WWOX: variants seen among roughly 807,000 people sequenced by gnomAD.
WWOX encodes the protein WW domain-containing oxidoreductase.
A neutral mutation model predicts 46.2 loss-of-function variants in WWOX; 69 were observed. That is an observed-to-expected ratio of 1.49 (90% confidence interval 1.23 to 1.82). WWOX has a LOEUF of 1.82. Among genes scored for constraint, WWOX ranks in the 40% most tolerant of loss-of-function variants. The pLI is 0.00. For synonymous variants in WWOX, 359 were observed against 202.6 expected (o/e 1.77, Z -6.56); for missense variants, 919 against 542.6 (o/e 1.69, Z -6.89).
chr16:78,331,055 A>G (rs147957380), intron 5 of WWOX, among the ~76,000 whole-genome samples: 52 of 152,262 alleles, frequency 3.4e-4, no homozygotes, highest in African/African-American at 1.2e-3. Context: ...AAATAAGATA[A>G]TTTGTTTCTG....
chr16:78,660,543 T>A (rs575844276), intron 8 of WWOX, among the ~76,000 whole-genome samples: 13 of 152,248 alleles, frequency 8.5e-5, no homozygotes, highest in Non-Finnish European at 1.8e-4. Flanking sequence ...ACTCAGGGCC[T>A]CCTGGTCCTG....
intron 8 of WWOX, among the ~76,000 whole-genome samples, chr16:78,490,975 T>C (rs2151461316): frequency 6.6e-6 from 1 of 152,294 alleles, no homozygotes; most frequent in East Asian, 1.9e-4. Context: ...GCCCCTGAGC[T>C]GCCCCCGAGT....
At chr16:78,275,272 A>C (rs764184687) in intron 5 of WWOX, among the ~76,000 whole-genome samples, 9 of 152,142 alleles carry the variant, frequency 5.9e-5, no homozygotes, top group Non-Finnish European at 1.2e-4. Context: ...TTCTCTTAAA[A>C]AACTGGAAGG....
At chr16:78,711,868 A>G (rs1402719515) in intron 8 of WWOX, among the ~76,000 whole-genome samples, 1 of 152,168 alleles carries the variant, frequency 6.6e-6, no homozygotes, top group African/African-American at 2.4e-5. Flanking sequence ...CACATCTTAC[A>G]AATTCCCTCA....
At chr16:78,255,707 T>A (rs764560773) in intron 5 of WWOX, among the ~76,000 whole-genome samples, 3 of 152,138 alleles carry the variant, frequency 2.0e-5, no homozygotes, top group Non-Finnish European at 4.4e-5. Flanking sequence ...GAACAGTCAA[T>A]AATAATAATA....
intron 8 of WWOX, among the ~76,000 whole-genome samples, chr16:78,497,071 G>C (rs1311017242): frequency 6.6e-6 from 1 of 152,336 alleles, no homozygotes; most frequent in African/African-American, 2.4e-5. Context: ...TGGATGCTAA[G>C]GCCCAAGCCG....
chr16:79,056,290 A>G (rs1359688302), intron 8 of WWOX, among the ~76,000 whole-genome samples: 1 of 152,120 alleles, frequency 6.6e-6, no homozygotes, highest in Non-Finnish European at 1.5e-5. Flanking sequence ...TTGGAGAGGA[A>G]AATAGAACCC....
At chr16:79,080,850 A>C (rs978962146) in intron 8 of WWOX, among the ~76,000 whole-genome samples, 2 of 152,212 alleles carry the variant, frequency 1.3e-5, no homozygotes, top group African/African-American at 4.8e-5. Flanking sequence ...TTTTATTCTA[A>C]GAGCAAAGGC....
chr16:78,852,218 A>G (rs2052461302), intron 8 of WWOX, among the ~76,000 whole-genome samples: 2 of 152,236 alleles, frequency 1.3e-5, no homozygotes, highest in Non-Finnish European at 2.9e-5. Context: ...GATGGCCTCT[A>G]GTGACCCTCA....
At chr16:78,721,694 G>C (rs1053626637) in intron 8 of WWOX, among the ~76,000 whole-genome samples, 2 of 152,208 alleles carry the variant, frequency 1.3e-5, no homozygotes, top group African/African-American at 4.8e-5. Context: ...GAGCCTCTCG[G>C]AAATATTGGC....
At chr16:79,124,227 C>T (rs1426374015) in intron 8 of WWOX, among the ~76,000 whole-genome samples, 1 of 152,078 alleles carries the variant, frequency 6.6e-6, no homozygotes. Flanking sequence ...TTAGAGCGTG[C>T]CCCCTGCCCC....
chr16:78,465,393 C>T (rs535454125), intron 8 of WWOX, among the ~76,000 whole-genome samples: 1 of 152,016 alleles, frequency 6.6e-6, no homozygotes, highest in Non-Finnish European at 1.5e-5. Context: ...TTGCCCAGGC[C>T]ACTCTCCAAC....
At chr16:78,633,025 C>T (rs1597374454) in intron 8 of WWOX, among the ~76,000 whole-genome samples, 1 of 152,050 alleles carries the variant, frequency 6.6e-6, no homozygotes, top group African/African-American at 2.4e-5. Flanking sequence ...CACTTTGGGA[C>T]ACTGAGGTGG....
intron 5 of WWOX, among the ~76,000 whole-genome samples, chr16:78,302,023 C>G (rs939659665): frequency 4.0e-5 from 6 of 151,384 alleles, no homozygotes; most frequent in African/African-American, 1.5e-4. Context: ...TGCGATGGCA[C>G]AATCTCAGCT....
chr16:78,723,798 C>G (rs537753963), intron 8 of WWOX, among the ~76,000 whole-genome samples: 2 of 152,072 alleles, frequency 1.3e-5, no homozygotes, highest in South Asian at 2.1e-4. Context: ...TTCTTGTTCT[C>G]GTATCACTCA....
At chr16:78,298,544 C>G (rs993775191) in intron 5 of WWOX, among the ~76,000 whole-genome samples, 5 of 152,114 alleles carry the variant, frequency 3.3e-5, no homozygotes, top group African/African-American at 1.2e-4. Context: ...GTAATCCCCG[C>G]AGTTTGGGAG....
chr16:78,194,039 G>C (rs968335679), intron 5 of WWOX, among the ~76,000 whole-genome samples: 1 of 149,714 alleles, frequency 6.7e-6, no homozygotes, highest in Admixed American at 6.6e-5. Context: ...CACCGAGCCC[G>C]GCTAATTTTT....
At chr16:79,191,336 G>A (rs754205021) in intron 8 of WWOX, among the ~76,000 whole-genome samples, 4 of 152,066 alleles carry the variant, frequency 2.6e-5, no homozygotes, top group Admixed American at 6.5e-5. Flanking sequence ...GATCACAGGC[G>A]TGAGCCAGCG....
At chr16:78,366,518 A>C (rs1391767064) in intron 5 of WWOX, among the ~76,000 whole-genome samples, 1 of 152,212 alleles carries the variant, frequency 6.6e-6, no homozygotes, top group Non-Finnish European at 1.5e-5. Flanking sequence ...GTTAGACTTC[A>C]GGGGACTACA....
Sources: gnomAD v4.1 joint callset for allele counts (sites outside exome capture counted in the v4.1 genomes callset) on GRCh38, gnomAD v4.1.1 for gene constraint, MANE v1.5 for transcripts, NCBI Gene and HGNC (gene_info 2026-07-23, HGNC 2026-07-21) for gene names.